Variants in MAP3K4 observed in about 807,000 individuals in gnomAD.
The protein encoded by MAP3K4 is mitogen-activated protein kinase kinase kinase 4.
A neutral mutation model predicts 185.6 loss-of-function variants in MAP3K4; 67 were observed. The observed-to-expected ratio is 0.36, with a 90% CI of 0.30 to 0.44. The LOEUF (loss-of-function observed/expected upper bound fraction) is 0.44. Among genes scored for constraint, MAP3K4 ranks in the 20% least tolerant of loss-of-function variants. The pLI is 1.00. For missense variants in MAP3K4, 1,551 were observed against 1,995.1 expected, an observed-to-expected ratio of 0.78 and a Z score of 4.24; for synonymous variants, 702 against 710.4, an observed-to-expected ratio of 0.99 and a Z score of 0.19.
chr6:161,094,351 A>C (rs3798916), intron 15 of MAP3K4, among the ~76,000 whole-genome samples: 9,011 of 152,306 alleles, frequency 0.059, 282 homozygotes, highest in South Asian at 0.074. Flanking sequence ...TTAAAAAATC[A>C]AGTTAAGTTA....
rs184385914 is a variant in MAP3K4 at position 160,996,679 on chromosome 6, T to G, written c.152+4596T>G. ...AGAAGGAGATTAGCTGAAGACTCCG[T>G]AGGTCTTCATAAGCTGGCACTCCCT... On this transcript the variant is annotated intron_variant, in intron 1 of 26. Transcript: ENST00000392142. The surrounding 1 kb of genome is among the most constrained non-coding windows in gnomAD (Gnocchi z 4.5). Among the ~76,000 whole-genome samples, 18 of 152,294 alleles carry G rather than the reference T, an allele frequency of 1.2e-4. No individual in the cohort carries two copies. The highest frequency in any genetic ancestry group is 5.9e-4 in the Admixed American group (9 of 15,300).
chr6:161,006,561 T>A (rs184829443), intron 1 of MAP3K4, among the ~76,000 whole-genome samples: 10 of 152,342 alleles, frequency 6.6e-5, no homozygotes, highest in African/African-American at 2.2e-4. Flanking sequence ...CCAGATTTTG[T>A]TTTTCCAAGG....
intron 6 of MAP3K4, among the ~76,000 whole-genome samples, chr6:161,081,466 G>A (rs565171150): frequency 2.4e-4 from 36 of 152,234 alleles, no homozygotes; most frequent in Middle Eastern, 3.4e-3. Context: ...ATATACCCGC[G>A]TATATCAGTC....
chr6:161,050,063 TC>T, intron 3 of MAP3K4, 84 bp downstream of exon 3: 2 of 1,345,208 alleles, frequency 1.5e-6, no homozygotes, highest in Non-Finnish European at 2.0e-6. Context: ...TTATGTACTT[TC>T]ATATTCTAAT....
In MAP3K4 at chr6:161,080,421, G is replaced by A. The variant is rs1455250287; in HGVS notation, c.2098-460G>A. Among the ~76,000 whole-genome samples the A allele has an allele frequency of 3.3e-5, 5 of 152,174 alleles. No individual in the cohort carries two copies. The highest frequency in any genetic ancestry group is 2.1e-4 in the South Asian group (1 of 4,804). ...GCAAGCCTTGAAAACATTTTATCAC[G>A]CAAATCCGGATGTTAGGAAGGGGTG... On this transcript the variant is annotated intron_variant, in intron 5 of 26. Transcript: ENST00000392142. The surrounding 1 kb of genome is among the most constrained non-coding windows in gnomAD (Gnocchi z 4.8).
chr6:161,072,367 G>A (rs1562521013), intron 4 of MAP3K4, among the ~76,000 whole-genome samples: 1 of 152,156 alleles, frequency 6.6e-6, no homozygotes, highest in Admixed American at 6.5e-5. Flanking sequence ...ACATTTTGGT[G>A]TATTTCTATC....
chr6:161,002,589 C>CTTTTTT (rs34733206), intron 1 of MAP3K4, among the ~76,000 whole-genome samples: 11 of 106,476 alleles, frequency 1.0e-4, no homozygotes, highest in African/African-American at 1.8e-4. Context: ...ATAGTTTTGG[C>CTTTTTT]TTTTTTTTTT....
chr6:161,108,520 G>T lies in MAP3K4; in HGVS notation c.4120-223G>T, dbSNP rs780082588. ...CACATGGCGCTCCTCACTCCCTCTC[G>T]GAGCAGGGCCTCTTCCTCCTCTGTG... On this transcript the variant is annotated intron_variant, in intron 21 of 26. Transcript: ENST00000392142. This position sits in a 1 kb window ranked among gnomAD's most constrained non-coding sequence, Gnocchi z 5.7. Among the ~76,000 whole-genome samples, 3 of 152,078 alleles carry T rather than the reference G, an allele frequency of 2.0e-5. No homozygotes were observed. The highest frequency in any genetic ancestry group is 4.8e-5 in the African/African-American group (2 of 41,404).
rs76347536 is a variant in MAP3K4 at position 161,101,131 on chromosome 6, C to A, written c.3675-761C>A. The A allele has an allele frequency of 2.6e-5, 4 of 152,006 alleles. No individual in the cohort carries two copies. The highest frequency in any genetic ancestry group is 2.6e-4 in the Admixed American group (4 of 15,258). The allele number at this position is 152,006 out of a possible 1,614,324, so 9.4% of individuals were successfully genotyped here. ...ATTTATTTGAGGTTCTTTGATTATT[C>A]GAATTACAATTTTAACACATTCCCT... On this transcript the variant is annotated intron_variant, in intron 17 of 26. Transcript: ENST00000392142. The surrounding 1 kb of genome is among the most constrained non-coding windows in gnomAD (Gnocchi z 5.1).
intron 1 of MAP3K4, among the ~76,000 whole-genome samples, chr6:161,033,536 CCTT>C (rs1014104214): frequency 8.8e-4 from 53 of 60,282 alleles, no homozygotes; most frequent in African/African-American, 3.6e-3. Context: ...TTTACATCAT[CCTT>C]CTCCCCTGCA....
chr6:161,026,268 T>C (rs9355328), intron 1 of MAP3K4, among the ~76,000 whole-genome samples: 149,099 of 151,750 alleles, frequency 0.98, 73,257 homozygotes, highest in Middle Eastern at 1. Flanking sequence ...GTAGCTGGGA[T>C]TACAGGTGCC....
rs1339827913 is a variant in MAP3K4 at position 161,088,973 on chromosome 6, C to T, written c.2824-349C>T. 1.3e-5 allele frequency among the ~76,000 whole-genome samples: 2 copies of T among 152,038 alleles called. No homozygotes were observed. The highest frequency in any genetic ancestry group is 2.9e-5 in the Non-Finnish European group (2 of 67,996). ...TATTTCTGTCTTATTCCTACATTTT[C>T]CTTCTTCATATGCTGCTCCAATACA... is the stretch of plus-strand genomic sequence containing the variant. On this transcript the variant is annotated intron_variant, in intron 10 of 26. Coordinates refer to ENST00000392142, the MANE Select transcript of MAP3K4 (RefSeq NM_005922.4). The surrounding 1 kb of genome is among the most constrained non-coding windows in gnomAD (Gnocchi z 4.5).
Position 161,080,063 on chromosome 6 carries a change from G to C in MAP3K4, c.2098-818G>C, listed in dbSNP as rs1056659946. ...GCAGTGGTGGGTGGGCGCTCAGGTT[G>C]GCGACAGACTGCTTCACGCTGAGTC... On this transcript the variant is annotated intron_variant, in intron 5 of 26. Coordinates refer to ENST00000392142, the MANE Select transcript of MAP3K4 (RefSeq NM_005922.4). This position sits in a 1 kb window ranked among gnomAD's most constrained non-coding sequence, Gnocchi z 4.8. Among the ~76,000 whole-genome samples, 1 of 152,164 alleles carries C rather than the reference G, an allele frequency of 6.6e-6. No homozygotes were observed. The highest frequency in any genetic ancestry group is 2.4e-5 in the African/African-American group (1 of 41,440).
Position 161,110,334 on chromosome 6 carries a change from C to T in MAP3K4, c.4396+420C>T, listed in dbSNP as rs1443383658. ...AAGTGCACATATAAATTTGAGGCTA[C>T]GTTTTTGAGACAAGAATGGGGTTTG... On this transcript the variant is annotated intron_variant, in intron 23 of 26. Transcript: ENST00000392142. The surrounding 1 kb of genome is among the most constrained non-coding windows in gnomAD (Gnocchi z 4.8). 2.0e-5 allele frequency among the ~76,000 whole-genome samples: 3 copies of T among 152,120 alleles called. No individual in the cohort carries two copies. Among genetic ancestry groups the T allele is most frequent in the Admixed American group, 6.5e-5 (1 of 15,280 alleles).
chr6:161,058,526 A>G (rs1784341726), intron 3 of MAP3K4, among the ~76,000 whole-genome samples: 1 of 152,178 alleles, frequency 6.6e-6, no homozygotes, highest in African/African-American at 2.4e-5. Context: ...AAAAAACAGT[A>G]TGCTTTTGTT....
chr6:161,113,284 C>G (rs976197162), intron 25 of MAP3K4, among the ~76,000 whole-genome samples: 2 of 152,156 alleles, frequency 1.3e-5, no homozygotes, highest in Non-Finnish European at 2.9e-5. Context: ...AAAAAGCCTG[C>G]ACACTGAGCG....
chr6:161,102,852 C>T, intron 19 of MAP3K4, 73 bp downstream of exon 19: 5 of 1,024,788 alleles, frequency 4.9e-6, no homozygotes, highest in Non-Finnish European at 7.0e-6. Flanking sequence ...GGAGCAGTTT[C>T]AGGTAAAACT....
chr6:161,078,853 A>T (rs1785302957), intron 5 of MAP3K4, among the ~76,000 whole-genome samples: 1 of 152,186 alleles, frequency 6.6e-6, no homozygotes. Context: ...TGATGACGTA[A>T]ATCTTAAAGG....
At chr6:161,092,521 A>T (rs1583222388) in intron 13 of MAP3K4, among the ~76,000 whole-genome samples, 1 of 152,160 alleles carries the variant, frequency 6.6e-6, no homozygotes. Flanking sequence ...AAGTAAACAT[A>T]GTTATTAAAG....
Sources: gnomAD v4.1 joint callset for allele counts (sites outside exome capture counted in the v4.1 genomes callset) on GRCh38, gnomAD v4.1.1 for gene constraint, Gnocchi (gnomAD v3.1) non-coding constraint, MANE v1.5 for transcripts, NCBI Gene and HGNC (gene_info 2026-07-23, HGNC 2026-07-21) for gene names.